The following TNS1 variants were observed in gnomAD, a reference collection of about 807,000 sequenced individuals.
TNS1 encodes the protein tensin-1.
Under a neutral mutation model 168.6 loss-of-function variants are expected in TNS1, and 62 were observed. The ratio of observed to expected loss-of-function variants is 0.37; its 90% CI spans 0.30 to 0.45. TNS1 has a LOEUF of 0.45. Ranked by LOEUF, TNS1 falls within the 20% of genes least tolerant of loss-of-function variation. TNS1 has a pLI of 1.00. For synonymous variants in TNS1, 934 were observed against 933.2 expected, an observed-to-expected ratio of 1.00 and a Z score of -0.02; for missense variants, 2,240 against 2,339.4, an observed-to-expected ratio of 0.96 and a Z score of 0.88.
chr2:217,938,505 T>C (rs1956747206), intron 3 of TNS1, among the ~76,000 whole-genome samples: 1 of 152,224 alleles, frequency 6.6e-6, no homozygotes, highest in Non-Finnish European at 1.5e-5. Flanking sequence ...TAAAGCTGCA[T>C]CAAGAGGAAT....
intron 3 of TNS1, among the ~76,000 whole-genome samples, chr2:217,931,116 A>G (rs115286133): frequency 0.027 from 4,134 of 152,210 alleles, 62 homozygotes; most frequent in African/African-American, 0.031. Flanking sequence ...CCCGGGAGGG[A>G]AACTTGTGGC....
rs1938003756 is a variant in TNS1 at position 217,804,404 on chromosome 2, TC to T, written c.*54del. 3 of 1,604,830 alleles carry T rather than the reference TC, an allele frequency of 1.9e-6. No individual in the cohort carries two copies. The African/African-American group carries it at 4.0e-5, about 22-fold the overall frequency. ...TTCAAGAGTGGTCAGGATTCATGGG[TC>T]CCCTCCCCACAAGCCCCTTCCCCAT... On this transcript the variant is annotated 3_prime_UTR_variant, in exon 33 of 33. Transcript: ENST00000682258.
intron 19 of TNS1, among the ~76,000 whole-genome samples, chr2:217,836,634 G>A (rs1325008891): frequency 6.6e-6 from 1 of 152,292 alleles, no homozygotes; most frequent in South Asian, 2.1e-4. Flanking sequence ...AGAACTCTTG[G>A]AAAGGGCTAA....
At chr2:217,816,142 T>C (rs1215477659) in intron 24 of TNS1, among the ~76,000 whole-genome samples, 1 of 152,174 alleles carries the variant, frequency 6.6e-6, no homozygotes, top group Non-Finnish European at 1.5e-5. Context: ...GATGGTGACC[T>C]TGGTAAGAGG....
At chr2:217,918,827 G>A (rs191354378) in intron 4 of TNS1, among the ~76,000 whole-genome samples, 2 of 136,664 alleles carry the variant, frequency 1.5e-5, no homozygotes, top group African/African-American at 2.7e-5. Context: ...TTCCAAGCCC[G>A]ACTGCACTCC....
chr2:217,834,581 TG>T (rs1032709468), intron 21 of TNS1, among the ~76,000 whole-genome samples: 1 of 152,144 alleles, frequency 6.6e-6, no homozygotes, highest in African/African-American at 2.4e-5. Context: ...GGGGGCTAAA[TG>T]CCTCTGCCTG....
chr2:217,814,012 G>A, intron 25 of TNS1, 196 bp from the exon 26 acceptor site: 1 of 533,334 alleles, frequency 1.9e-6, no homozygotes, highest in Non-Finnish European at 3.0e-6. Context: ...TTTTATGTTT[G>A]TTTTTGTGAG....
At chr2:217,905,883 A>G (rs1346918160) in intron 6 of TNS1, among the ~76,000 whole-genome samples, 1 of 152,182 alleles carries the variant, frequency 6.6e-6, no homozygotes, top group Admixed American at 6.5e-5. Context: ...CTCCTGAACC[A>G]ATAGCATCTA....
chr2:217,933,697 T>A (rs1956448307), intron 3 of TNS1, among the ~76,000 whole-genome samples: 1 of 152,204 alleles, frequency 6.6e-6, no homozygotes, highest in African/African-American at 2.4e-5. Flanking sequence ...AAGTGCCCAC[T>A]GCAGCCTTGG....
rs1156943879 is a variant in TNS1 at position 217,880,050 on chromosome 2, A to G, written c.1429+848T>C. Among the ~76,000 whole-genome samples, 1 of 152,216 alleles carries G rather than the reference A, an allele frequency of 6.6e-6. No individual in the cohort carries two copies. On this transcript the variant is annotated intron_variant, in intron 18 of 32. Coordinates refer to ENST00000682258, the MANE Select transcript of TNS1 (RefSeq NM_001387777.1). The surrounding 1 kb of genome is among the most constrained non-coding windows in gnomAD (Gnocchi z 4.2). ...GCTGGACCATCCTGAAGGTCCTCCCAGCTCCAACATTCTGCAGTCCTACGA... is the reference window on the plus strand; with the variant it reads ...GCTGGACCATCCTGAAGGTCCTCCCGGCTCCAACATTCTGCAGTCCTACGA...
At chr2:217,958,580 G>A (rs1957421397) in intron 3 of TNS1, among the ~76,000 whole-genome samples, 1 of 152,210 alleles carries the variant, frequency 6.6e-6, no homozygotes, top group South Asian at 2.1e-4. Context: ...TCCCCACATA[G>A]CCCTCATGGG....
chr2:217,816,629 C>CA (rs1941929639), intron 24 of TNS1, among the ~76,000 whole-genome samples: 1 of 152,176 alleles, frequency 6.6e-6, no homozygotes, highest in Non-Finnish European at 1.5e-5. Context: ...GCTGCAGTCC[C>CA]ACGTGCCTTC....
Position 217,804,414 on chromosome 2 carries a change from A to G in TNS1, c.*45T>C, listed in dbSNP as rs1938007674. 3.7e-6 allele frequency: 6 copies of G among 1,608,048 alleles called. No individual in the cohort carries two copies. The highest frequency in any genetic ancestry group is 5.1e-6 in the Non-Finnish European group (6 of 1,175,758). On this transcript the variant is annotated 3_prime_UTR_variant, in exon 33 of 33. Coordinates refer to ENST00000682258, the MANE Select transcript of TNS1 (RefSeq NM_001387777.1). ...GTCAGGATTCATGGGTCCCCTCCCC[A>G]CAAGCCCCTTCCCCATGGCACTGGC...
chr2:217,836,108 G>C lies in TNS1; in HGVS notation c.3111C>G (p.Ser1037=). The C allele has an allele frequency of 6.2e-7, 1 of 1,614,068 alleles. No individual in the cohort carries two copies. The highest frequency in any genetic ancestry group is 1.1e-5 in the South Asian group (1 of 91,072). ...QYENQSPEAT[S]PRSPGVRSPV... is the part of the protein sequence containing the mutation. ...GGGAGCGAACCCCAGGGCTACGAGG[G>C]GATGTGGCTTCTGGAGACTGGTTCT... Residue 1037 remains serine (S), a synonymous_variant, in exon 20 of 33, where the codon TCC becomes TCG. Transcript: ENST00000682258.
chr2:217,983,166 A>G (rs1253984053), intron 2 of TNS1, among the ~76,000 whole-genome samples: 1 of 152,146 alleles, frequency 6.6e-6, no homozygotes, highest in East Asian at 1.9e-4. Context: ...CTCCATAGGT[A>G]CCATTTCTCA....
chr2:217,852,965 G>T (rs555102706), intron 18 of TNS1, among the ~76,000 whole-genome samples: 1 of 152,224 alleles, frequency 6.6e-6, no homozygotes, highest in Non-Finnish European at 1.5e-5. Context: ...TCCCAGGCCT[G>T]TCCAGCCCTG....
chr2:218,000,119 CA>C (rs1277405354), intron 1 of TNS1, among the ~76,000 whole-genome samples: 3 of 152,214 alleles, frequency 2.0e-5, no homozygotes, highest in Admixed American at 2.0e-4. Context: ...TATGTAATAG[CA>C]AATGGGAGCA....
rs1941397146 is a variant in TNS1, at chr2:217,813,754, G to C, written c.4792C>G (p.Arg1598Gly). 1.2e-6 allele frequency: 2 copies of C among 1,613,902 alleles called. No homozygotes were observed. The highest frequency in any genetic ancestry group is 1.1e-5 in the South Asian group (1 of 91,076). The change falls in exon 26 of 33, where the codon CGA (arginine) becomes GGA (glycine). Residue 1598 changes from arginine (R) to glycine (G), a missense_variant. Physicochemically the swap from Arg to Gly is moderately radical, Grantham distance 125. Around this residue, in one of 2 missense-constraint regions of TNS1, gnomAD observed 2,131 missense variants for 2,171.2 expected, o/e 0.98. Coordinates refer to ENST00000682258, the MANE Select transcript of TNS1 (RefSeq NM_001387777.1). This position sits in a 1 kb window ranked among gnomAD's most constrained non-coding sequence, Gnocchi z 4.0. The stretch of plus-strand genomic sequence containing the variant: ...TTCATGGCCAGCCCGTACGCGCCTC[G>C]GAAGGAGTGACTGTCGCGGATGATG... ...AFIIRDSHSF[R>G]GAYGLAMKVS...
At chr2:217,843,967 C>T (rs1946318862) in intron 19 of TNS1, among the ~76,000 whole-genome samples, 1 of 152,156 alleles carries the variant, frequency 6.6e-6, no homozygotes, top group African/African-American at 2.4e-5. Flanking sequence ...TATGTCTCTC[C>T]CTGGAGGCTC....
Sources: allele counts gnomAD v4.1 joint callset (sites outside exome capture counted in the v4.1 genomes callset), GRCh38; gene constraint gnomAD v4.1.1; regional missense constraint gnomAD v4.1.1; non-coding constraint Gnocchi (gnomAD v3.1); transcripts MANE v1.5; gene names NCBI Gene and HGNC (gene_info 2026-07-23, HGNC 2026-07-21).